The following PRDM10 variants were observed in gnomAD, a reference collection of about 807,000 sequenced individuals.
PRDM10 encodes PR domain zinc finger protein 10.
PRDM10 carries 65 observed loss-of-function variants against 133.1 expected under a neutral mutation model. The ratio of observed to expected loss-of-function variants is 0.49; its 90% CI spans 0.40 to 0.60. PRDM10 has a LOEUF of 0.60. Among genes scored for constraint, PRDM10 ranks in the 20% least tolerant of loss-of-function variants. The pLI, the probability that PRDM10 is intolerant of heterozygous loss-of-function variation, is 0.00. For synonymous variants in PRDM10, 582 were observed against 580.4 expected, an observed-to-expected ratio of 1.00 and a Z score of -0.04; for missense variants, 1,137 against 1,507.1, an observed-to-expected ratio of 0.75 and a Z score of 4.07.
At chr11:129,929,534 G>T in intron 11 of PRDM10, 1 of 896,050 alleles carries the variant, frequency 1.1e-6, no homozygotes, top group Non-Finnish European at 1.6e-6. Flanking sequence ...AAAATACATA[G>T]CCCTACTTTT....
intron 1 of PRDM10, among the ~76,000 whole-genome samples, chr11:129,987,725 G>A (rs1297820353): frequency 2.6e-5 from 4 of 152,230 alleles, no homozygotes; most frequent in South Asian, 2.1e-4. Context: ...AAGACGCCGG[G>A]TGTGGTGGCT....
At chr11:129,996,703 C>A (rs1370957234) in intron 1 of PRDM10, among the ~76,000 whole-genome samples, 2 of 152,160 alleles carry the variant, frequency 1.3e-5, no homozygotes, top group Admixed American at 6.5e-5. Context: ...GAAGGTGTGA[C>A]AGCAGAGAGA....
At chr11:129,938,604 A>G (rs1490246822) in intron 7 of PRDM10, among the ~76,000 whole-genome samples, 1 of 152,120 alleles carries the variant, frequency 6.6e-6, no homozygotes, top group Non-Finnish European at 1.5e-5. Flanking sequence ...TTTCTCTGCA[A>G]TTTACACAGT....
intron 17 of PRDM10, among the ~76,000 whole-genome samples, chr11:129,914,040 C>A (rs972544543): frequency 6.6e-6 from 1 of 151,926 alleles, no homozygotes; most frequent in South Asian, 2.1e-4. Flanking sequence ...CCTGTTCTGT[C>A]GCCCAGGCTG....
intron 15 of PRDM10, among the ~76,000 whole-genome samples, chr11:129,916,923 A>T (rs1284537175): frequency 6.6e-6 from 1 of 152,220 alleles, no homozygotes; most frequent in Non-Finnish European, 1.5e-5. Flanking sequence ...AGAAAAATGA[A>T]GTCAACTATT....
At chr11:129,972,741 GTCTT>G (rs1304591962) in intron 1 of PRDM10, among the ~76,000 whole-genome samples, 4 of 152,186 alleles carry the variant, frequency 2.6e-5, no homozygotes, top group African/African-American at 4.8e-5. Context: ...TCTTAGCTTT[GTCTT>G]TCTTTCTTTA....
At chr11:129,996,589 GT>G (rs1767643179) in intron 1 of PRDM10, among the ~76,000 whole-genome samples, 1 of 152,182 alleles carries the variant, frequency 6.6e-6, no homozygotes, top group Non-Finnish European at 1.5e-5. Context: ...CCTTTAAAAA[GT>G]TTTCCAGCCA....
chr11:129,910,586 C>T lies in PRDM10; in HGVS notation c.3053G>A (p.Gly1018Asp). The T allele has an allele frequency of 6.2e-7, 1 of 1,613,932 alleles. No homozygotes were observed. The highest frequency in any genetic ancestry group is 8.5e-7 in the Non-Finnish European group (1 of 1,179,918). The change falls in exon 19 of 21, where the codon GGC becomes GAC. Residue 1018 changes from glycine to aspartate, a missense_variant. This residue lies in a region of PRDM10 where 243 missense variants were observed against 259.2 expected (regional missense o/e 0.94). Transcript: ENST00000360871. ...AGCCTGCCCCTGTGTGGAAGAACTG[C>T]CCTGGATGTGGGAGGGGCTGAGCCC... Reference protein sequence around the residue: ...QQGLSPSHIQGSSSTQGQALQ... With the variant: ...QQGLSPSHIQDSSSTQGQALQ...
chr11:129,967,595 A>T (rs1951933578), intron 1 of PRDM10, among the ~76,000 whole-genome samples: 2 of 152,146 alleles, frequency 1.3e-5, no homozygotes, highest in Admixed American at 1.3e-4. Context: ...GGTGAACATC[A>T]AACACATTTT....
chr11:129,996,319 G>A (rs1939061927), intron 1 of PRDM10, among the ~76,000 whole-genome samples: 1 of 152,196 alleles, frequency 6.6e-6, no homozygotes, highest in African/African-American at 2.4e-5. Context: ...CTGGTACAGG[G>A]GATGGCGAGC....
At chr11:129,978,219 C>A (rs942544818) in intron 1 of PRDM10, among the ~76,000 whole-genome samples, 1 of 152,076 alleles carries the variant, frequency 6.6e-6, no homozygotes, top group Non-Finnish European at 1.5e-5. Context: ...TCACATTGAC[C>A]AGTTGTTTCA....
chr11:129,953,955 A>G (rs954592394), intron 4 of PRDM10, among the ~76,000 whole-genome samples: 4 of 148,424 alleles, frequency 2.7e-5, no homozygotes, highest in African/African-American at 7.3e-5. Flanking sequence ...GATGGAATCA[A>G]TAAGTATTTA....
intron 1 of PRDM10, among the ~76,000 whole-genome samples, chr11:129,971,237 T>C (rs978709143): frequency 5.3e-5 from 8 of 152,070 alleles, no homozygotes; most frequent in African/African-American, 1.9e-4. Context: ...GCTCCCACGG[T>C]GTGGAAGGGG....
intron 13 of PRDM10, among the ~76,000 whole-genome samples, chr11:129,919,201 T>C (rs1041303776): frequency 1.3e-5 from 2 of 151,994 alleles, no homozygotes; most frequent in African/African-American, 4.8e-5. Flanking sequence ...TGAAACCCTG[T>C]CTCTATGAAA....
chr11:129,929,540 C>G (rs1313587844), intron 11 of PRDM10: 1 of 839,832 alleles, frequency 1.2e-6, no homozygotes, highest in African/African-American at 1.8e-5. Flanking sequence ...CATAGCCCTA[C>G]TTTTTAGAAT....
chr11:129,926,621 T>G (rs1214017472), intron 11 of PRDM10, among the ~76,000 whole-genome samples: 1 of 152,192 alleles, frequency 6.6e-6, no homozygotes, highest in Non-Finnish European at 1.5e-5. Context: ...TAACAAGAGA[T>G]TTCCTTCTCA....
chr11:129,931,114 T>C lies in PRDM10; in HGVS notation c.1432A>G (p.Thr478Ala). The C allele has an allele frequency of 1.2e-6, 2 of 1,614,140 alleles. No homozygotes were observed. The highest frequency in any genetic ancestry group is 1.7e-6 in the Non-Finnish European group (2 of 1,180,008). The stretch of plus-strand genomic sequence containing the variant: ...TGCGGCTGCAGGTGCAGGGTGTGAG[T>C]TTCTGGTTCATGTTCCAGGGAAGAC... ...TQSSLEHEPETHTLHLQPQHE... is the reference protein window; with the variant it reads ...TQSSLEHEPEAHTLHLQPQHE... The change falls in exon 11 of 21, where the codon ACT becomes GCT. Residue 478 changes from threonine (T) to alanine (A), a missense_variant. Thr to Ala is a moderately conservative substitution (Grantham distance 58, BLOSUM62 0). Coordinates refer to ENST00000360871, the MANE Select transcript of PRDM10 (RefSeq NM_199437.2).
intron 1 of PRDM10, among the ~76,000 whole-genome samples, chr11:129,972,948 G>A (rs1274232706): frequency 2.0e-5 from 3 of 152,126 alleles, no homozygotes; most frequent in Admixed American, 6.6e-5. Context: ...CTTTGAAGGT[G>A]GTCCCCTGGC....
At chr11:129,957,019 A>G (rs1451291364) in intron 3 of PRDM10, among the ~76,000 whole-genome samples, 1 of 152,254 alleles carries the variant, frequency 6.6e-6, no homozygotes, top group African/African-American at 2.4e-5. Flanking sequence ...CTATAATTGT[A>G]CGCCTTTTGG....
Sources: allele counts gnomAD v4.1 joint callset (sites outside exome capture counted in the v4.1 genomes callset), GRCh38; gene constraint gnomAD v4.1.1; regional missense constraint gnomAD v4.1.1; transcripts MANE v1.5; gene names NCBI Gene and HGNC (gene_info 2026-07-23, HGNC 2026-07-21).